Variants in MMS22L observed in about 807,000 individuals in gnomAD.
The protein encoded by MMS22L is MMS22 like, DNA repair protein.
Under a neutral mutation model 159.1 loss-of-function variants are expected in MMS22L, and 74 were observed. That is an observed-to-expected ratio of 0.47 (90% CI 0.39 to 0.56). The LOEUF is 0.56. Ranked by LOEUF, MMS22L falls within the 20% of genes least tolerant of loss-of-function variation. The pLI, the probability that MMS22L is intolerant of heterozygous loss-of-function variation, is 0.00. For synonymous variants in MMS22L, 517 were observed against 506.9 expected, an observed-to-expected ratio of 1.02 and a Z score of -0.27; for missense variants, 1,351 against 1,422.1, an observed-to-expected ratio of 0.95 and a Z score of 0.80.
rs1444309506 is a variant in MMS22L at position 97,229,347 on chromosome 6, T to C, written c.1586A>G (p.Gln529Arg). The C allele has an allele frequency of 3.1e-6, 5 of 1,609,036 alleles. No homozygotes were observed. In the Admixed American group the frequency reaches 6.8e-5, roughly 22 times the overall value. ...CAGTAGAAAAAGGCTAAAAAAGTTC[T>C]GTAGACCAACTTCAGTTAGTTCTTC... ...RMEELTEVGLQNFFSLFLLLA... is the reference protein window; with the variant it reads ...RMEELTEVGLRNFFSLFLLLA... Residue 529 changes from glutamine (Q) to arginine (R), a missense_variant, in exon 14 of 25, where the codon CAG (glutamine) becomes CGG (arginine). By Grantham distance (43) the Gln-to-Arg change is conservative. Coordinates refer to ENST00000683635, the MANE Select transcript of MMS22L (RefSeq NM_001350599.2).
At chr6:97,264,287 C>CA in intron 8 of MMS22L, 1 of 151,910 alleles carries the variant, frequency 6.6e-6, no homozygotes, top group East Asian at 2.0e-4. Flanking sequence ...TCACTGTAAA[C>CA]AGAGTAAAAA....
chr6:97,201,197 GAAT>G (rs1283370889), intron 14 of MMS22L, among the ~76,000 whole-genome samples: 9 of 152,120 alleles, frequency 5.9e-5, no homozygotes, highest in East Asian at 1.9e-4. Flanking sequence ...CTACATATTT[GAAT>G]AATAATGTAA....
At chr6:97,202,770 A>G (rs1473196032) in intron 14 of MMS22L, among the ~76,000 whole-genome samples, 1 of 152,192 alleles carries the variant, frequency 6.6e-6, no homozygotes, top group Non-Finnish European at 1.5e-5. Context: ...GAAGGTTTAA[A>G]AGAGTACCTA....
Position 97,151,867 on chromosome 6 carries a change from A to G in MMS22L, c.3386T>C (p.Val1129Ala). 1.2e-6 allele frequency: 2 copies of G among 1,613,054 alleles called. No individual in the cohort carries two copies. The highest frequency in any genetic ancestry group is 1.7e-6 in the Non-Finnish European group (2 of 1,179,216). ...CAGGTTCTCTGTGGCCAGCCTTTTA[A>G]CTAGAAGGAAAAATTACAGCATTAG... ...KCLVLVSEPQ[V>A]KRLATENLQY... The change falls in exon 23 of 25, where the codon GTT (valine) becomes GCT (alanine). Residue 1129 changes from valine to alanine, a missense_variant and splice_region_variant. Physicochemically the swap from Val to Ala is moderately conservative, Grantham distance 64. Coordinates refer to ENST00000683635, the MANE Select transcript of MMS22L (RefSeq NM_001350599.2).
In MMS22L at chr6:97,179,530, C is replaced by T; in HGVS notation, c.2414G>A (p.Gly805Asp). 6.2e-7 allele frequency: 1 copy of T among 1,610,634 alleles called. No individual in the cohort carries two copies. Among genetic ancestry groups the T allele is most frequent in the Non-Finnish European group, 8.5e-7 (1 of 1,178,556 alleles). The stretch of plus-strand genomic sequence containing the variant: ...GGTTAAGGCTTGAAAAGATACATAG[C>T]CTGAATGAGAAAGTGCTTCACATAA... ...STLCEALSHS[G>D]YVSFQALTVR... is the part of the protein sequence containing the mutation. Residue 805 changes from glycine to aspartate, a missense_variant, in exon 17 of 25, where the codon GGC becomes GAC. Coordinates refer to ENST00000683635, the MANE Select transcript of MMS22L (RefSeq NM_001350599.2).
intron 4 of MMS22L, among the ~76,000 whole-genome samples, chr6:97,274,390 C>A (rs968205221): frequency 6.6e-6 from 1 of 152,114 alleles, no homozygotes; most frequent in African/African-American, 2.4e-5. Context: ...TAAGGCAGTA[C>A]TCTCTTAAAA....
At chr6:97,256,506 T>G (rs1401519481) in intron 9 of MMS22L, among the ~76,000 whole-genome samples, 1 of 152,224 alleles carries the variant, frequency 6.6e-6, no homozygotes, top group Non-Finnish European at 1.5e-5. Context: ...TTTGCTTCAA[T>G]GAAAATAGCT....
intron 19 of MMS22L, among the ~76,000 whole-genome samples, chr6:97,168,984 C>A (rs1014736998): frequency 6.6e-6 from 1 of 152,076 alleles, no homozygotes; most frequent in African/African-American, 2.4e-5. Flanking sequence ...TTTAATCTTA[C>A]ATGTAAGTGG....
At position 97,144,176 on chromosome 6, in the gene MMS22L, G is replaced by C. The variant is rs1800786786; in HGVS notation, c.*2630C>G. 1 of 149,292 alleles carries C rather than the reference G, an allele frequency of 6.7e-6. No homozygotes were observed. The highest frequency in any genetic ancestry group is 1.5e-5 in the Non-Finnish European group (1 of 67,582). 9.2% of individuals were successfully genotyped at this position (149,292 alleles called of 1,614,324 possible). A position where few individuals can be genotyped will look rare whatever the true frequency, so the allele number is the denominator to read the frequency against. On this transcript the variant is annotated 3_prime_UTR_variant, in exon 25 of 25. Coordinates refer to ENST00000683635, the MANE Select transcript of MMS22L (RefSeq NM_001350599.2). The stretch of plus-strand genomic sequence containing the variant: ...CAGTTCACCACTAACAGAATGTTGA[G>C]ACAAAGCAGATGAAGGGTCGTATCT...
chr6:97,186,516 T>TGACATTCTC lies in MMS22L; in HGVS notation c.2213_2214insGAGAATGTC (p.Gln738_Leu739insArgMetSer), dbSNP rs1805245635. ...GCTGACCTGCAGCTGCATCCGCAAGTTGTGAGAAAGGCACTACCTGTGACA... is the reference window on the plus strand; with the variant it reads ...GCTGACCTGCAGCTGCATCCGCAAGTGACATTCTCTGTGAGAAAGGCACTACCTGTGACA... On this transcript the variant is annotated inframe_insertion, in exon 15 of 25. Transcript: ENST00000683635. 1.2e-6 allele frequency: 2 copies of TGACATTCTC among 1,612,438 alleles called. No individual in the cohort carries two copies. Among genetic ancestry groups the TGACATTCTC allele is most frequent in the South Asian group, 2.2e-5 (2 of 90,900 alleles).
intron 14 of MMS22L, among the ~76,000 whole-genome samples, chr6:97,194,736 A>T (rs998107758): frequency 6.6e-6 from 1 of 152,222 alleles, no homozygotes; most frequent in African/African-American, 2.4e-5. Context: ...TTGTTTTACC[A>T]ACTCAGAGGA....
rs955769966 is a variant in MMS22L at position 97,146,023 on chromosome 6, CTAT to C, written c.*780_*782del. 10 of 151,858 alleles carry C rather than the reference CTAT, an allele frequency of 6.6e-5. No individual in the cohort carries two copies. The highest frequency in any genetic ancestry group is 2.4e-4 in the African/African-American group (10 of 41,360). The allele number at this position is 151,858 out of a possible 1,614,324, so 9.4% of individuals were successfully genotyped here. On this transcript the variant is annotated 3_prime_UTR_variant, in exon 25 of 25. Transcript: ENST00000683635. ...GATCAGCTGACTTCTCAGACCACTA[CTAT>C]TGTTACTTTTCTAGAATATTTTTAT...
intron 11 of MMS22L, 146 bp downstream of exon 11, chr6:97,246,482 A>G: frequency 1.7e-6 from 1 of 604,220 alleles, no homozygotes; most frequent in Non-Finnish European, 2.9e-6. Flanking sequence ...AATAATCACT[A>G]AAAGAAACTA....
Position 97,181,884 on chromosome 6 carries a change from C to A in MMS22L, c.2384+20G>T. On this transcript the variant is annotated intron_variant, in intron 16 of 24. Transcript: ENST00000683635. ...TCACAGGTTTGCATTAATGTGTATG[C>A]CTGAAATAAAAGCACGTACCTATTT... 1 of 1,604,258 alleles carries A rather than the reference C, an allele frequency of 6.2e-7. No individual in the cohort carries two copies. The highest frequency in any genetic ancestry group is 1.7e-4 in the Middle Eastern group (1 of 6,002).
chr6:97,195,497 G>C (rs534307593), intron 14 of MMS22L, among the ~76,000 whole-genome samples: 2 of 152,290 alleles, frequency 1.3e-5, no homozygotes, highest in South Asian at 4.1e-4. Context: ...TTATAATAGA[G>C]AATTTTTATA....
At chr6:97,182,424 T>C (rs1363433040) in intron 15 of MMS22L, among the ~76,000 whole-genome samples, 1 of 152,076 alleles carries the variant, frequency 6.6e-6, no homozygotes, top group Non-Finnish European at 1.5e-5. Context: ...GGAAGCAAAT[T>C]TGCCTGTCAT....
In MMS22L at chr6:97,178,519, C is replaced by A; in HGVS notation, c.2603G>T (p.Ser868Ile). ...RLLFNLSEVK[S>I]IFSKAQVEYL... ...TTCAACTTGGGCCTTTGAGAAAATA[C>A]TCTTTACTTCTGAGAGATTAAATAG... Residue 868 changes from serine to isoleucine, a missense_variant, in exon 18 of 25, where the codon AGT becomes ATT. Ser to Ile is a moderately radical substitution (Grantham distance 142). Coordinates refer to ENST00000683635, the MANE Select transcript of MMS22L (RefSeq NM_001350599.2). The A allele has an allele frequency of 6.3e-7, 1 of 1,584,332 alleles. No homozygotes were observed. Among genetic ancestry groups the A allele is most frequent in the Non-Finnish European group, 8.6e-7 (1 of 1,158,724 alleles).
intron 14 of MMS22L, among the ~76,000 whole-genome samples, chr6:97,203,642 T>C (rs574687151): frequency 2.0e-5 from 3 of 152,330 alleles, no homozygotes; most frequent in Non-Finnish European, 2.9e-5. Context: ...AGCTGTATTA[T>C]AGCAGCTCTG....
At chr6:97,156,623 T>C (rs569062754) in intron 22 of MMS22L, among the ~76,000 whole-genome samples, 1 of 152,186 alleles carries the variant, frequency 6.6e-6, no homozygotes, top group East Asian at 1.9e-4. Context: ...CAGATGGTTG[T>C]AGATGTGTGA....
Sources: gnomAD v4.1 joint callset for allele counts (sites outside exome capture counted in the v4.1 genomes callset) on GRCh38, gnomAD v4.1.1 for gene constraint, MANE v1.5 for transcripts, NCBI Gene and HGNC (gene_info 2026-07-23, HGNC 2026-07-21) for gene names.